Variants in DCC observed in about 807,000 individuals in gnomAD.
The protein encoded by DCC is DCC netrin 1 receptor.
Under a neutral mutation model 172.5 loss-of-function variants are expected in DCC, and 58 were observed. The observed-to-expected ratio is 0.34, with a 90% confidence interval of 0.27 to 0.42. The LOEUF is 0.42. DCC is among the 10% of genes least tolerant of loss of function. The probability of loss-of-function intolerance (pLI) is 1.00; values close to 1 mark genes in which losing one functional copy is unlikely to be tolerated. For missense variants in DCC, 1,740 were observed against 1,791.0 expected (o/e 0.97, Z 0.51); for synonymous variants, 709 against 644.5 (o/e 1.10, Z -1.52).
At chr18:53,492,177 G>T (rs1166050463) in intron 26 of DCC, among the ~76,000 whole-genome samples, 1 of 152,000 alleles carries the variant, frequency 6.6e-6, no homozygotes, top group Non-Finnish European at 1.5e-5. Context: ...TTGTAAATTT[G>T]TTTAAGTGCT....
intron 5 of DCC, among the ~76,000 whole-genome samples, chr18:53,035,723 G>GT (rs757515517): frequency 3.3e-5 from 5 of 152,062 alleles, no homozygotes; most frequent in Non-Finnish European, 5.9e-5. Context: ...TAACGGGGTA[G>GT]TTGGCAGCCT....
At chr18:53,019,561 A>G (rs958047526) in intron 5 of DCC, among the ~76,000 whole-genome samples, 5 of 152,046 alleles carry the variant, frequency 3.3e-5, no homozygotes, top group African/African-American at 1.2e-4. Context: ...CACCTCACTT[A>G]TCCTTAAGCC....
At chr18:52,968,695 C>T (rs540751957) in intron 5 of DCC, among the ~76,000 whole-genome samples, 15 of 152,234 alleles carry the variant, frequency 9.9e-5, no homozygotes, top group African/African-American at 2.9e-4. Context: ...TGCTTACAGA[C>T]GCAGTGGAAT....
At chr18:52,568,435 G>A (rs537306611) in intron 1 of DCC, among the ~76,000 whole-genome samples, 9 of 151,880 alleles carry the variant, frequency 5.9e-5, no homozygotes, top group African/African-American at 2.2e-4. Flanking sequence ...AAAAACAAAA[G>A]ATAAAAATGA....
chr18:52,558,690 C>G (rs1237813373), intron 1 of DCC, among the ~76,000 whole-genome samples: 1 of 152,034 alleles, frequency 6.6e-6, no homozygotes, highest in Non-Finnish European at 1.5e-5. Flanking sequence ...GAAGGAGAAC[C>G]CGGGTCTCCT....
At chr18:53,230,188 G>A (rs7228042) in intron 12 of DCC, among the ~76,000 whole-genome samples, 3,877 of 152,154 alleles carry the variant, frequency 0.025, 160 homozygotes, top group African/African-American at 0.087. Context: ...ACCACATTTA[G>A]CATTTACTTT....
intron 14 of DCC, among the ~76,000 whole-genome samples, chr18:53,335,313 CA>C (rs1466052162): frequency 6.6e-6 from 1 of 152,144 alleles, no homozygotes; most frequent in Admixed American, 6.6e-5. Flanking sequence ...ATCAAGATCT[CA>C]CGATTGTCTT....
At chr18:52,778,424 G>A (rs1421592853) in intron 2 of DCC, among the ~76,000 whole-genome samples, 2 of 151,936 alleles carry the variant, frequency 1.3e-5, no homozygotes, top group African/African-American at 4.8e-5. Flanking sequence ...TCTGTGAACC[G>A]TTAACATTTT....
Position 52,891,602 on chromosome 18 carries a change from G to A in DCC, c.413-14442G>A, listed in dbSNP as rs557915555. Among the ~76,000 whole-genome samples, 538 of 152,072 alleles carry A rather than the reference G, an allele frequency of 3.5e-3. 2 individuals are homozygous for A. The highest frequency in any genetic ancestry group is 6.4e-3 in the Non-Finnish European group (437 of 67,938). ...TTTTAACCATATCTCTTGCTCACAT[G>A]TATTATATTTTTTGCTATCTTCCAT... On this transcript the variant is annotated intron_variant, in intron 2 of 28. Coordinates refer to ENST00000442544, the MANE Select transcript of DCC (RefSeq NM_005215.4).
At chr18:53,408,229 G>A (rs1192367927) in intron 19 of DCC, among the ~76,000 whole-genome samples, 3 of 152,094 alleles carry the variant, frequency 2.0e-5, no homozygotes, top group African/African-American at 7.2e-5. Flanking sequence ...ATGTAGCAGG[G>A]TAAAACTGCA....
Position 53,371,956 on chromosome 18 carries a change from A to T in DCC, c.2360-14087A>T, listed in dbSNP as rs139773621. ...AGAATGGCCATCATTAAGAAGTCAA[A>T]AAATAGCAGATGCTGATGAGGTTGT... On this transcript the variant is annotated intron_variant, in intron 15 of 28. Coordinates refer to ENST00000442544, the MANE Select transcript of DCC (RefSeq NM_005215.4). Among the ~76,000 whole-genome samples, 1,017 of 152,154 alleles carry T rather than the reference A, an allele frequency of 6.7e-3. 6 individuals are homozygous for T. Among genetic ancestry groups the T allele is most frequent in the Non-Finnish European group, 0.011 (736 of 67,926 alleles).
chr18:53,488,984 G>A (rs1368946369), intron 26 of DCC, among the ~76,000 whole-genome samples: 1 of 151,434 alleles, frequency 6.6e-6, no homozygotes, highest in East Asian at 1.9e-4. Flanking sequence ...TGGTGAAACC[G>A]CATCTCTACT....
chr18:52,559,650 C>T (rs2032993268), intron 1 of DCC, among the ~76,000 whole-genome samples: 1 of 151,802 alleles, frequency 6.6e-6, no homozygotes, highest in South Asian at 2.1e-4. Flanking sequence ...ATAGAAATAC[C>T]ATGTTCCTGC....
chr18:52,717,781 T>C (rs993291465), intron 1 of DCC, among the ~76,000 whole-genome samples: 1 of 152,138 alleles, frequency 6.6e-6, no homozygotes, highest in East Asian at 1.9e-4. Context: ...AAACATGAGA[T>C]GATGTAAATG....
At chr18:53,390,809 C>T (rs941081465) in intron 16 of DCC, among the ~76,000 whole-genome samples, 1 of 152,150 alleles carries the variant, frequency 6.6e-6, no homozygotes, top group Non-Finnish European at 1.5e-5. Context: ...TCTCATAAGT[C>T]TGTAGGTAGT....
chr18:52,451,518 C>A (rs770727706), intron 1 of DCC, among the ~76,000 whole-genome samples: 115 of 152,246 alleles, frequency 7.6e-4, no homozygotes, highest in Non-Finnish European at 1.0e-3. Flanking sequence ...TAATGATGGC[C>A]TCAGGCAATC....
chr18:52,966,796 A>G (rs1361245585), intron 5 of DCC, among the ~76,000 whole-genome samples: 1 of 152,172 alleles, frequency 6.6e-6, no homozygotes, highest in Non-Finnish European at 1.5e-5. Flanking sequence ...CTCTGGGTGT[A>G]TCCCTTAATC....
intron 5 of DCC, among the ~76,000 whole-genome samples, chr18:52,991,940 G>A (rs1288844075): frequency 6.6e-6 from 1 of 152,172 alleles, no homozygotes; most frequent in Admixed American, 6.5e-5. Context: ...ATAACGCAAG[G>A]TGGGATATTT....
chr18:52,639,223 C>G (rs1349153186), intron 1 of DCC, among the ~76,000 whole-genome samples: 2 of 151,944 alleles, frequency 1.3e-5, no homozygotes, highest in Non-Finnish European at 2.9e-5. Flanking sequence ...AGAGCACAAA[C>G]AGACAATCTA....
Sources: allele counts gnomAD v4.1 joint callset (sites outside exome capture counted in the v4.1 genomes callset), GRCh38; gene constraint gnomAD v4.1.1; transcripts MANE v1.5; gene names NCBI Gene and HGNC (gene_info 2026-07-23, HGNC 2026-07-21).